The following BMPR2 variants were observed in gnomAD, a reference collection of about 807,000 sequenced individuals.
BMPR2 encodes the protein bone morphogenetic protein receptor type-2.
A neutral mutation model predicts 100.8 loss-of-function variants in BMPR2; 29 were observed. The ratio of observed to expected loss-of-function variants is 0.29; its 90% CI spans 0.21 to 0.39. The LOEUF is 0.39. Among genes scored for constraint, BMPR2 ranks in the 10% least tolerant of loss-of-function variants. BMPR2 has a pLI of 1.00. For synonymous variants in BMPR2, 382 were observed against 442.3 expected, an observed-to-expected ratio of 0.86 and a Z score of 1.71; for missense variants, 1,011 against 1,274.5, an observed-to-expected ratio of 0.79 and a Z score of 3.15.
At chr2:202,470,557 C>T (rs978444602) in intron 3 of BMPR2, among the ~76,000 whole-genome samples, 1 of 149,110 alleles carries the variant, frequency 6.7e-6, no homozygotes, top group Non-Finnish European at 1.5e-5. Flanking sequence ...GTCAGGAGAT[C>T]GAGACCATCC....
chr2:202,449,466 T>C (rs555024248), intron 1 of BMPR2, among the ~76,000 whole-genome samples: 1 of 152,266 alleles, frequency 6.6e-6, no homozygotes, highest in African/African-American at 2.4e-5. Flanking sequence ...CCCAAACCGA[T>C]ATGAGTGGTT....
At chr2:202,551,981 A>G (rs985383546) in intron 10 of BMPR2, among the ~76,000 whole-genome samples, 1 of 151,830 alleles carries the variant, frequency 6.6e-6, no homozygotes, top group Non-Finnish European at 1.5e-5. Flanking sequence ...CAGCCTCCTA[A>G]GTAGCTGGGA....
chr2:202,458,174 C>T (rs1035304460), intron 1 of BMPR2, among the ~76,000 whole-genome samples: 2 of 149,522 alleles, frequency 1.3e-5, no homozygotes, highest in Non-Finnish European at 3.0e-5. Flanking sequence ...GAGCCAGGTA[C>T]TGTGGCTCAC....
intron 1 of BMPR2, among the ~76,000 whole-genome samples, chr2:202,397,949 G>A (rs974216413): frequency 6.6e-6 from 1 of 151,522 alleles, no homozygotes; most frequent in Non-Finnish European, 1.5e-5. Context: ...GGTGAAACCC[G>A]GTCTCTACTG....
chr2:202,543,622 C>A (rs1308205119), intron 10 of BMPR2, among the ~76,000 whole-genome samples: 1 of 152,062 alleles, frequency 6.6e-6, no homozygotes, highest in Non-Finnish European at 1.5e-5. Flanking sequence ...CTTTAGCAAT[C>A]TTTTGGGTTT....
At chr2:202,525,990 C>T (rs1032836136) in intron 7 of BMPR2, among the ~76,000 whole-genome samples, 5 of 151,340 alleles carry the variant, frequency 3.3e-5, no homozygotes, top group East Asian at 1.9e-4. Context: ...CTCAGCCTCC[C>T]GAGTAGCTGG....
At chr2:202,474,107 CA>C (rs1344273073) in intron 3 of BMPR2, among the ~76,000 whole-genome samples, 1 of 148,660 alleles carries the variant, frequency 6.7e-6, no homozygotes, top group Non-Finnish European at 1.5e-5. Flanking sequence ...TCTGTCTCAC[CA>C]AAAATAATAA....
At chr2:202,529,007 T>C (rs1211114427) in intron 7 of BMPR2, among the ~76,000 whole-genome samples, 3 of 152,228 alleles carry the variant, frequency 2.0e-5, no homozygotes, top group Non-Finnish European at 4.4e-5. Flanking sequence ...GAATTGAACC[T>C]ATTTATTTAT....
At chr2:202,499,033 A>T (rs2105989276) in intron 3 of BMPR2, among the ~76,000 whole-genome samples, 1 of 152,260 alleles carries the variant, frequency 6.6e-6, no homozygotes, top group East Asian at 1.9e-4. Flanking sequence ...CCCAGAAGGA[A>T]ATAAGCAAAG....
At chr2:202,529,489 A>T (rs1389602569) in intron 7 of BMPR2, among the ~76,000 whole-genome samples, 1 of 152,208 alleles carries the variant, frequency 6.6e-6, no homozygotes, top group African/African-American at 2.4e-5. Flanking sequence ...GAGTTTTCCT[A>T]TATAAATATT....
intron 3 of BMPR2, among the ~76,000 whole-genome samples, chr2:202,496,918 G>A (rs1481325806): frequency 1.3e-5 from 2 of 152,244 alleles, no homozygotes; most frequent in South Asian, 2.1e-4. Flanking sequence ...AGGGAGAGGC[G>A]CGAGCAGGAA....
At chr2:202,514,679 G>T (rs148822017) in intron 4 of BMPR2, among the ~76,000 whole-genome samples, 1 of 152,270 alleles carries the variant, frequency 6.6e-6, no homozygotes, top group Non-Finnish European at 1.5e-5. Context: ...GTGTCTCCCA[G>T]AATTTGGCTT....
At chr2:202,489,789 T>C (rs1692860338) in intron 3 of BMPR2, among the ~76,000 whole-genome samples, 1 of 152,142 alleles carries the variant, frequency 6.6e-6, no homozygotes, top group African/African-American at 2.4e-5. Flanking sequence ...TTTTAGAAAA[T>C]TGAAAGTTTT....
At chr2:202,481,156 T>C (rs1315767863) in intron 3 of BMPR2, among the ~76,000 whole-genome samples, 1 of 150,330 alleles carries the variant, frequency 6.7e-6, no homozygotes, top group African/African-American at 2.4e-5. Context: ...CTTCTTTTTC[T>C]TTCTCTTCTC....
intron 4 of BMPR2, 39 bp downstream of exon 4, chr2:202,513,868 A>T (rs1209054053): frequency 7.0e-7 from 1 of 1,429,372 alleles, no homozygotes; most frequent in African/African-American, 1.4e-5. Flanking sequence ...TTTATTAAAC[A>T]TGCAATTTAA....
In BMPR2 at chr2:202,510,092, C is replaced by T. The variant is rs142945559; in HGVS notation, c.419-3627C>T. The stretch of plus-strand genomic sequence containing the variant: ...CAAAACTTTGTTTCACGTTAGACTA[C>T]GAATTTTTTTATTGTAACAAATATT... On this transcript the variant is annotated intron_variant, in intron 3 of 12. Transcript: ENST00000374580. Among the ~76,000 whole-genome samples the T allele has an allele frequency of 2.2e-3, 328 of 152,232 alleles. 3 individuals carry two copies. In the Middle Eastern group the frequency reaches 0.027, roughly 13 times the overall value.
intron 1 of BMPR2, among the ~76,000 whole-genome samples, chr2:202,399,864 C>G (rs1690731273): frequency 6.6e-6 from 1 of 152,200 alleles, no homozygotes; most frequent in Non-Finnish European, 1.5e-5. Context: ...ATAATCCCAG[C>G]ACTTTGGGAG....
chr2:202,558,180 G>A (rs746001082), intron 12 of BMPR2, among the ~76,000 whole-genome samples: 9 of 152,130 alleles, frequency 5.9e-5, no homozygotes, highest in Non-Finnish European at 1.0e-4. Flanking sequence ...TTAGTTTGGT[G>A]TGGTGGTCTG....
chr2:202,471,492 T>C (rs1692436715), intron 3 of BMPR2, among the ~76,000 whole-genome samples: 1 of 152,118 alleles, frequency 6.6e-6, no homozygotes, highest in Admixed American at 6.5e-5. Flanking sequence ...CACATGGAAA[T>C]CCATGATACC....
Sources: gnomAD v4.1 joint callset for allele counts (sites outside exome capture counted in the v4.1 genomes callset) on GRCh38, gnomAD v4.1.1 for gene constraint, MANE v1.5 for transcripts, NCBI Gene and HGNC (gene_info 2026-07-23, HGNC 2026-07-21) for gene names.